The following EHBP1 variants were observed in gnomAD, a reference collection of about 807,000 sequenced individuals.
EHBP1 encodes the protein EH domain binding protein 1.
In EHBP1, 55 loss-of-function variants were observed where a neutral mutation model predicts 144.0. The ratio of observed to expected loss-of-function variants is 0.38; its 90% CI spans 0.31 to 0.48. The LOEUF is 0.48. EHBP1 is among the 20% of genes least tolerant of loss of function. The pLI, the probability that EHBP1 is intolerant of heterozygous loss-of-function variation, is 0.98. For synonymous variants in EHBP1, 469 were observed against 472.7 expected, an observed-to-expected ratio of 0.99 and a Z score of 0.10; for missense variants, 1,200 against 1,364.2, an observed-to-expected ratio of 0.88 and a Z score of 1.90.
chr2:62,722,791 T>G (rs947839582), intron 2 of EHBP1, among the ~76,000 whole-genome samples: 1 of 152,242 alleles, frequency 6.6e-6, no homozygotes, highest in African/African-American at 2.4e-5. Flanking sequence ...TTATTAATAC[T>G]TTGCAGTAAT....
chr2:62,901,735 G>A (rs2053431958), intron 10 of EHBP1, among the ~76,000 whole-genome samples: 1 of 151,906 alleles, frequency 6.6e-6, no homozygotes, highest in African/African-American at 2.4e-5. Flanking sequence ...AAAGGCCGAG[G>A]TAGACGGATC....
At position 62,942,765 on chromosome 2, in the gene EHBP1, T is replaced by C. The variant is rs772838977; in HGVS notation, c.1233T>C (p.Ser411=). The C allele has an allele frequency of 5.0e-6, 8 of 1,612,416 alleles. No homozygotes were observed. The South Asian group carries it at 6.6e-5, about 13-fold the overall frequency. ...TTTTGGGGCGAAAGCCAAATGCTAG[T>C]CAGTCTTTGCTTGTATGGTGTAAAG... ...SPVLGRKPNA[S]QSLLVWCKEV... is the part of the protein sequence containing the mutation. Residue 411 remains serine (S), a synonymous_variant, in exon 11 of 23, where the codon AGT becomes AGC. Transcript: ENST00000431489.
chr2:63,035,646 G>T (rs1322054012), intron 19 of EHBP1, among the ~76,000 whole-genome samples: 1 of 151,904 alleles, frequency 6.6e-6, no homozygotes, highest in Non-Finnish European at 1.5e-5. Flanking sequence ...AATCACATAG[G>T]TTATGAACAC....
At chr2:62,801,435 A>G (rs1387089469) in intron 5 of EHBP1, among the ~76,000 whole-genome samples, 1 of 152,250 alleles carries the variant, frequency 6.6e-6, no homozygotes, top group Non-Finnish European at 1.5e-5. Flanking sequence ...TCATGACAGG[A>G]CTGTTGCTAA....
At chr2:62,857,223 A>G (rs1573742052) in intron 7 of EHBP1, among the ~76,000 whole-genome samples, 1 of 152,210 alleles carries the variant, frequency 6.6e-6, no homozygotes, top group African/African-American at 2.4e-5. Flanking sequence ...TTTACTTAAT[A>G]GAAAATGCAA....
chr2:62,702,191 T>C (rs1245264876), upstream of EHBP1, among the ~76,000 whole-genome samples: 1 of 152,236 alleles, frequency 6.6e-6, no homozygotes, highest in Non-Finnish European at 1.5e-5. Flanking sequence ...AGTTTTTGGA[T>C]GCCATTTTCC....
chr2:62,930,136 T>C (rs574281626), intron 10 of EHBP1, among the ~76,000 whole-genome samples: 3 of 152,060 alleles, frequency 2.0e-5, no homozygotes, highest in Non-Finnish European at 4.4e-5. Flanking sequence ...ATAGTCCCAC[T>C]ACTTGAGAGG....
rs1036974907 is a variant in EHBP1 at position 62,913,823 on chromosome 2, G to A, written c.1186-28895G>A. ...TTCTTTTCATGATAAGCTTTTACTT[G>A]TCGTCTAGTAAAGCATAACTCCTCA... On this transcript the variant is annotated intron_variant, in intron 10 of 22. Transcript: ENST00000431489. Among the ~76,000 whole-genome samples, 3 of 152,112 alleles carry A rather than the reference G, an allele frequency of 2.0e-5. 1 individual carries two copies. Among genetic ancestry groups the A allele is most frequent in the Admixed American group, 2.0e-4 (3 of 15,268 alleles).
chr2:62,783,563 C>A (rs1171855065), intron 5 of EHBP1, among the ~76,000 whole-genome samples: 1 of 152,258 alleles, frequency 6.6e-6, no homozygotes. Context: ...AGGCCCAACA[C>A]CACGTAGAAG....
chr2:62,951,761 G>A (rs1357908406), intron 13 of EHBP1, among the ~76,000 whole-genome samples: 1 of 152,112 alleles, frequency 6.6e-6, no homozygotes, highest in African/African-American at 2.4e-5. Flanking sequence ...CTGACCTCAG[G>A]TGATCCTCCT....
chr2:62,729,333 AATAT>A lies in EHBP1; in HGVS notation c.105-18056_105-18053del, dbSNP rs1343079663. On this transcript the variant is annotated intron_variant, in intron 2 of 22. Coordinates refer to ENST00000431489, the MANE Select transcript of EHBP1 (RefSeq NM_001142616.3). ...TAATATAATATTTATAATATAATAT[AATAT>A]ATATAATATATATAATAATAAATAT... is the stretch of plus-strand genomic sequence containing the variant. 1.1e-4 allele frequency among the ~76,000 whole-genome samples: 14 copies of A among 126,282 alleles called. No individual in the cohort carries two copies. The South Asian group carries it at 2.6e-3, about 24-fold the overall frequency. The allele number at this position is 126,282 out of a possible 152,430, so 82.8% of individuals were successfully genotyped here.
chr2:62,726,421 C>T (rs2036795278), intron 2 of EHBP1, among the ~76,000 whole-genome samples: 1 of 152,218 alleles, frequency 6.6e-6, no homozygotes, highest in Admixed American at 6.5e-5. Flanking sequence ...GCTTCCTCCA[C>T]CTTCATCCCA....
intron 14 of EHBP1, among the ~76,000 whole-genome samples, chr2:62,973,555 T>G (rs1457188360): frequency 2.0e-5 from 3 of 152,206 alleles, no homozygotes; most frequent in African/African-American, 7.2e-5. Flanking sequence ...TAAGTATTCT[T>G]ACTGGTAAAA....
At chr2:62,719,876 T>C (rs2036051081) in intron 2 of EHBP1, among the ~76,000 whole-genome samples, 1 of 152,188 alleles carries the variant, frequency 6.6e-6, no homozygotes, top group Non-Finnish European at 1.5e-5. Context: ...CTGGAACCAA[T>C]CCTCCACTGA....
At chr2:62,890,018 G>A (rs1284269265) in intron 10 of EHBP1, among the ~76,000 whole-genome samples, 1 of 146,204 alleles carries the variant, frequency 6.8e-6, no homozygotes, top group Non-Finnish European at 1.5e-5. Context: ...CTGGAGTGCA[G>A]TGGCACAGTT....
At chr2:62,874,637 T>G in intron 10 of EHBP1, 105 bp downstream of exon 10, 1 of 957,128 alleles carries the variant, frequency 1.0e-6, no homozygotes, top group African/African-American at 1.7e-5. Flanking sequence ...TTTGATGATT[T>G]AAAAATAATA....
intron 5 of EHBP1, among the ~76,000 whole-genome samples, chr2:62,777,757 T>C (rs190179385): frequency 6.6e-6 from 1 of 152,270 alleles, no homozygotes; most frequent in East Asian, 1.9e-4. Context: ...AACATAAAAA[T>C]GTTCGTAGGG....
Position 62,761,170 on chromosome 2 carries a change from T to A in EHBP1, c.163-3096T>A, listed in dbSNP as rs747754309. Among the ~76,000 whole-genome samples, 19 of 152,136 alleles carry A rather than the reference T, an allele frequency of 1.2e-4. 1 individual carries two copies. The highest frequency in any genetic ancestry group is 2.4e-4 in the Non-Finnish European group (16 of 68,030). ...TTATCTAGGGTGCACAGAAATTTAC[T>A]TTTCAAAATGGAGATTGTTTACTTT... On this transcript the variant is annotated intron_variant, in intron 3 of 22. Transcript: ENST00000431489.
intron 10 of EHBP1, among the ~76,000 whole-genome samples, chr2:62,886,181 A>G (rs1459023527): frequency 1.3e-5 from 2 of 152,202 alleles, no homozygotes; most frequent in Admixed American, 6.6e-5. Flanking sequence ...CTGTCTGTGT[A>G]AAACTGTGCA....
Sources: gnomAD v4.1 joint callset for allele counts (sites outside exome capture counted in the v4.1 genomes callset) on GRCh38, gnomAD v4.1.1 for gene constraint, MANE v1.5 for transcripts, NCBI Gene and HGNC (gene_info 2026-07-23, HGNC 2026-07-21) for gene names.